Variants in MRE11 observed in about 807,000 individuals in gnomAD.
The protein encoded by MRE11 is double-strand break repair protein MRE11.
Under a neutral mutation model 91.7 loss-of-function variants are expected in MRE11, and 62 were observed. That is an observed-to-expected ratio of 0.68 (90% CI 0.55 to 0.84). The LOEUF (loss-of-function observed/expected upper bound fraction) is 0.84, where lower values mean the gene tolerates loss of function less well. Among genes scored for constraint, MRE11 ranks in the 40% least tolerant of loss-of-function variants. The pLI, the probability that MRE11 is intolerant of heterozygous loss-of-function variation, is 0.00. For missense variants in MRE11, 796 were observed against 852.9 expected (o/e 0.93, Z 0.83); for synonymous variants, 273 against 271.4 (o/e 1.01, Z -0.06).
At chr11:94,512,362 T>G in the MRE11 span, 1 of 551,420 alleles carries the variant, frequency 1.8e-6, no homozygotes, top group Non-Finnish European at 2.7e-6. Flanking sequence ...GCCCCATAAC[T>G]TCAGCACCTT....
At chr11:94,428,139 CTATAT>C (rs1945373212) in intron 19 of MRE11, among the ~76,000 whole-genome samples, 1 of 152,172 alleles carries the variant, frequency 6.6e-6, no homozygotes, top group South Asian at 2.1e-4. Flanking sequence ...CAACTTTGAA[CTATAT>C]TATAAGGCTA....
chr11:94,492,881 G>A lies in MRE11; in HGVS notation c.-80C>T, dbSNP rs1011896926. 3 of 1,308,426 alleles carry A rather than the reference G, an allele frequency of 2.3e-6. No homozygotes were observed. Among genetic ancestry groups the A allele is most frequent in the African/African-American group, 2.9e-5 (2 of 67,854 alleles). The allele number at this position is 1,308,426 out of a possible 1,614,324, so 81.1% of individuals were successfully genotyped here. A position where few individuals can be genotyped will look rare whatever the true frequency, so the allele number is the denominator to read the frequency against. Reference sequence around the variant, plus strand: ...GTACTGTACTCAAATGTCAGAAAATGCACTCGATTCCAAATTCTAGAAATT... The same window carrying A: ...GTACTGTACTCAAATGTCAGAAAATACACTCGATTCCAAATTCTAGAAATT... On this transcript the variant is annotated 5_prime_UTR_variant, in exon 2 of 20. Transcript: ENST00000323929.
rs746088302 is a variant in MRE11 at position 94,490,953 on chromosome 11, G to T, written c.33C>A (p.Asn11Lys). 6.8e-7 allele frequency: 1 copy of T among 1,465,688 alleles called. No homozygotes were observed. The highest frequency in any genetic ancestry group is 9.5e-7 in the Non-Finnish European group (1 of 1,047,366). 90.8% of individuals were successfully genotyped at this position (1,465,688 alleles called of 1,614,324 possible). Residue 11 changes from asparagine (N) to lysine (K), a missense_variant, in exon 3 of 20, where the codon AAC (asparagine) becomes AAA (lysine). Asn to Lys is a moderately conservative substitution (Grantham distance 94, BLOSUM62 0). Transcript: ENST00000323929. Reference protein sequence around the residue: MSTADALDDENTFKILVATDI... With the variant: MSTADALDDEKTFKILVATDI... The stretch of plus-strand genomic sequence containing the variant: ...CTGTTGCAACTAATATTTTAAATGT[G>T]TTTTCATCATCACTATATTAAGAAA...
At chr11:94,474,201 G>C (rs1390204378) in intron 7 of MRE11, among the ~76,000 whole-genome samples, 1 of 152,116 alleles carries the variant, frequency 6.6e-6, no homozygotes, top group Non-Finnish European at 1.5e-5. Flanking sequence ...CCAGGGCTAG[G>C]TAGGAAAATA....
At chr11:94,455,420 T>C (rs1946224833) in intron 14 of MRE11, among the ~76,000 whole-genome samples, 1 of 152,044 alleles carries the variant, frequency 6.6e-6, no homozygotes, top group Admixed American at 6.6e-5. Flanking sequence ...AGGGACAATA[T>C]AAAATGTTTG....
At chr11:94,478,389 T>A (rs1946926497) in intron 6 of MRE11, among the ~76,000 whole-genome samples, 1 of 152,164 alleles carries the variant, frequency 6.6e-6, no homozygotes. Context: ...TTGCCAGAGG[T>A]ATTATGAAAG....
At chr11:94,493,427 GA>G (rs1279331030) in intron 1 of MRE11, among the ~76,000 whole-genome samples, 5 of 152,268 alleles carry the variant, frequency 3.3e-5, no homozygotes, top group Admixed American at 2.6e-4. Flanking sequence ...GCACCAGCAG[GA>G]TGACTGAAAA....
At chr11:94,496,883 C>A, upstream of MRE11, 1 of 1,612,600 alleles carries the variant, frequency 6.2e-7, no homozygotes, top group Non-Finnish European at 8.5e-7. Context: ...AGAGTGGTAT[C>A]GATTGCAAGA....
chr11:94,421,196 G>A (rs548842759), intron 19 of MRE11, among the ~76,000 whole-genome samples: 6 of 152,072 alleles, frequency 3.9e-5, no homozygotes, highest in African/African-American at 9.7e-5. Flanking sequence ...CAATTCTTAC[G>A]TATTCTATAA....
At chr11:94,471,186 G>A (rs1346861704) in intron 8 of MRE11, among the ~76,000 whole-genome samples, 3 of 151,938 alleles carry the variant, frequency 2.0e-5, no homozygotes, top group Non-Finnish European at 4.4e-5. Flanking sequence ...CCCCAAAAAT[G>A]TTTTAAAAAT....
At chr11:94,482,478 CTG>C (rs1209174507) in intron 4 of MRE11, among the ~76,000 whole-genome samples, 3 of 151,484 alleles carry the variant, frequency 2.0e-5, no homozygotes, top group Admixed American at 6.6e-5. Flanking sequence ...CTACTGAAAA[CTG>C]TGCTTCAGAA....
chr11:94,428,261 T>C (rs987068461), intron 19 of MRE11, among the ~76,000 whole-genome samples: 3 of 152,156 alleles, frequency 2.0e-5, no homozygotes, highest in African/African-American at 4.8e-5. Flanking sequence ...ATCTGATCTT[T>C]GACAATGCTG....
At chr11:94,508,081 T>G in the MRE11 span, among the ~76,000 whole-genome samples, 27 of 152,276 alleles carry the variant, frequency 1.8e-4, no homozygotes, top group Admixed American at 7.2e-4. Context: ...GCAATTCTCC[T>G]GCCTCAGCCT....
chr11:94,501,242 C>A, the MRE11 span, among the ~76,000 whole-genome samples: 1 of 152,236 alleles, frequency 6.6e-6, no homozygotes, highest in Non-Finnish European at 1.5e-5. Flanking sequence ...AATTTTACTT[C>A]TCAGAACCTA....
At chr11:94,474,538 C>T (rs951304867) in intron 7 of MRE11, among the ~76,000 whole-genome samples, 2 of 152,088 alleles carry the variant, frequency 1.3e-5, no homozygotes, top group African/African-American at 4.8e-5. Flanking sequence ...TCAAAACTTA[C>T]AATTAAAATA....
At chr11:94,498,583 G>A (rs1947451276), upstream of MRE11, 2 of 1,447,706 alleles carry the variant, frequency 1.4e-6, no homozygotes, top group Admixed American at 2.0e-5. Flanking sequence ...TCCTGTGTGT[G>A]AGATGTATTC....
At position 94,479,737 on chromosome 11, in the gene MRE11, A is replaced by G. The variant is rs201584818; in HGVS notation, c.339T>C (p.Asp113=). 12 of 1,612,748 alleles carry G rather than the reference A, an allele frequency of 7.4e-6. No homozygotes were observed. The highest frequency in any genetic ancestry group is 9.3e-6 in the Non-Finnish European group (11 of 1,179,736). The stretch of plus-strand genomic sequence containing the variant: ...CTGGAATTGAAATGTTGAGGTTGCC[A>G]TCTTGATAGTTCACCCATGGAAACC... ...FSKFPWVNYQ[D]GNLNISIPVF... is the part of the protein sequence containing the mutation. The change falls in exon 5 of 20, where the codon GAT becomes GAC. Residue 113 remains aspartate (D), a synonymous_variant. Coordinates refer to ENST00000323929, the MANE Select transcript of MRE11 (RefSeq NM_005591.4).
chr11:94,476,353 T>C lies in MRE11; in HGVS notation c.595A>G (p.Thr199Ala). ...TCATCTTCCTTTGGTCTCAACATTGTTACTTTTTTATTGACAAACATTCGA... is the reference window on the plus strand; with the variant it reads ...TCATCTTCCTTTGGTCTCAACATTGCTACTTTTTTATTGACAAACATTCGA... ...LYRMFVNKKV[T>A]MLRPKEDENS... The change falls in exon 7 of 20, where the codon ACA (threonine) becomes GCA (alanine). Residue 199 changes from threonine (T) to alanine (A), a missense_variant. By Grantham distance (58) the Thr-to-Ala change is moderately conservative. Transcript: ENST00000323929. 1 of 1,613,462 alleles carries C rather than the reference T, an allele frequency of 6.2e-7. No homozygotes were observed. Among genetic ancestry groups the C allele is most frequent in the Non-Finnish European group, 8.5e-7 (1 of 1,179,550 alleles).
At chr11:94,437,666 T>C (rs1945658109) in intron 16 of MRE11, among the ~76,000 whole-genome samples, 1 of 152,224 alleles carries the variant, frequency 6.6e-6, no homozygotes, top group African/African-American at 2.4e-5. Flanking sequence ...TCTACCTTAG[T>C]AGCCATATTC....
Sources: gnomAD v4.1 joint callset for allele counts (sites outside exome capture counted in the v4.1 genomes callset) on GRCh38, gnomAD v4.1.1 for gene constraint, MANE v1.5 for transcripts, NCBI Gene and HGNC (gene_info 2026-07-23, HGNC 2026-07-21) for gene names.